Variants in DKK4 observed in about 807,000 individuals in gnomAD.
DKK4 encodes the protein dickkopf Wnt signaling pathway inhibitor 4.
DKK4 carries 15 observed loss-of-function variants against 14.5 expected under a neutral mutation model. That is an observed-to-expected ratio of 1.03 (90% CI 0.69 to 1.59). The LOEUF is 1.59. Among genes scored for constraint, DKK4 ranks in the 40% most tolerant of loss-of-function variants. The probability of loss-of-function intolerance (pLI) is 0.00; values close to 1 mark genes in which losing one functional copy is unlikely to be tolerated. For missense variants in DKK4, 272 were observed against 280.3 expected, an observed-to-expected ratio of 0.97 and a Z score of 0.21; for synonymous variants, 89 against 105.2, an observed-to-expected ratio of 0.85 and a Z score of 0.94.
chr8:42,374,616 C>G, intron 3 of DKK4, 145 bp downstream of exon 3: 1 of 1,281,350 alleles, frequency 7.8e-7, no homozygotes, highest in Middle Eastern at 2.1e-4. Flanking sequence ...CCCACAGCTT[C>G]TTACAGAAAG....
chr8:42,379,114 G>C (rs894845279), upstream of DKK4, among the ~76,000 whole-genome samples: 1 of 150,582 alleles, frequency 6.6e-6, no homozygotes, highest in African/African-American at 2.4e-5. Flanking sequence ...AGTCGGGCGT[G>C]GTGGTGGTCA....
the DKK4 span, among the ~76,000 whole-genome samples, chr8:42,389,518 T>C: frequency 5.9e-5 from 9 of 152,234 alleles, no homozygotes; most frequent in African/African-American, 2.2e-4. Context: ...TGGGGACATG[T>C]ATCTTACTTA....
chr8:42,376,888 C>T (rs777931647), intron 1 of DKK4, 47 bp downstream of exon 1: 16 of 1,481,964 alleles, frequency 1.1e-5, no homozygotes, highest in Non-Finnish European at 1.5e-5. Context: ...CAAAACACCC[C>T]AGCTGTCAGC....
At chr8:42,386,871 G>A in the DKK4 span, among the ~76,000 whole-genome samples, 2 of 152,202 alleles carry the variant, frequency 1.3e-5, no homozygotes, top group Non-Finnish European at 2.9e-5. Context: ...ATTGAGCTAT[G>A]AAGTCTTTAC....
At chr8:42,379,001 A>G (rs1824613726), upstream of DKK4, among the ~76,000 whole-genome samples, 1 of 150,038 alleles carries the variant, frequency 6.7e-6, no homozygotes, top group Non-Finnish European at 1.5e-5. Context: ...CTGTAATCTC[A>G]CCACTTTGGG....
chr8:42,375,991 A>T (rs1824554736), intron 1 of DKK4, among the ~76,000 whole-genome samples, 161 bp from the exon 2 acceptor site: 1 of 152,218 alleles, frequency 6.6e-6, no homozygotes, highest in South Asian at 2.1e-4. Flanking sequence ...TCTCCCACAA[A>T]GGGAAGCTCA....
chr8:42,375,603 A>T, intron 2 of DKK4, 77 bp downstream of exon 2: 1 of 1,563,544 alleles, frequency 6.4e-7, no homozygotes, highest in South Asian at 1.2e-5. Context: ...GAGAGTGCCT[A>T]CCCTGGAATA....
At chr8:42,380,626 A>G (rs1344453707), upstream of DKK4, among the ~76,000 whole-genome samples, 2 of 148,040 alleles carry the variant, frequency 1.4e-5, no homozygotes, top group Admixed American at 6.6e-5. Context: ...AAAGAGAAAG[A>G]AAGAAAGAGG....
rs1223927829 is a variant in DKK4, at chr8:42,374,158, A to T, written c.617T>A (p.Leu206Ter). The T allele has an allele frequency of 6.2e-7, 1 of 1,613,382 alleles. No homozygotes were observed. The highest frequency in any genetic ancestry group is 2.2e-5 in the East Asian group (1 of 44,886). Residue 206 changes from leucine to a stop codon, truncating the protein, a stop_gained, in exon 4 of 4, where the codon TTG becomes TAG. Coordinates refer to ENST00000220812, the MANE Select transcript of DKK4 (RefSeq NM_014420.3). LOFTEE classifies it low-confidence loss of function (END_TRUNC). ...CGPGLLCRSQ[L>*]TSNRQHARLR... Reference sequence around the variant, plus strand: ...TCGAGCATGCTGCCGATTGCTGGTCAATTGGCTTCGACACAGTAGTCCAGG... The same window carrying T: ...TCGAGCATGCTGCCGATTGCTGGTCTATTGGCTTCGACACAGTAGTCCAGG...
chr8:42,382,528 A>C, the DKK4 span, among the ~76,000 whole-genome samples: 1 of 152,254 alleles, frequency 6.6e-6, no homozygotes, highest in Non-Finnish European at 1.5e-5. Context: ...AGGCCACAGC[A>C]GCAATGACCT....
the DKK4 span, among the ~76,000 whole-genome samples, chr8:42,389,718 T>A: frequency 6.6e-6 from 1 of 152,196 alleles, no homozygotes; most frequent in African/African-American, 2.4e-5. Context: ...TGAACACACA[T>A]ATACGTTCCA....
Position 42,377,038 on chromosome 8 carries a change from G to A in DKK4, c.8C>T (p.Ala3Val), listed in dbSNP as rs931955827. MVAAVLLGLSWLC... is the reference protein window; with the variant it reads MVVAVLLGLSWLC... ...CCAGCTCAGCCCCAGCAGGACGGCC[G>A]CCACCATCCTTCAATCCCGGGGCTC... Residue 3 changes from alanine (A) to valine (V), a missense_variant, in exon 1 of 4, where the codon GCG (alanine) becomes GTG (valine). Physicochemically the swap from Ala to Val is moderately conservative, Grantham distance 64. Coordinates refer to ENST00000220812, the MANE Select transcript of DKK4 (RefSeq NM_014420.3). 2.5e-5 allele frequency: 40 copies of A among 1,612,242 alleles called. No homozygotes were observed. The highest frequency in any genetic ancestry group is 1.7e-4 in the Admixed American group (10 of 59,972).
upstream of DKK4, among the ~76,000 whole-genome samples, chr8:42,380,798 A>AAGGAAG (rs1824663736): frequency 7.2e-6 from 1 of 139,046 alleles, no homozygotes; most frequent in African/African-American, 3.1e-5. Flanking sequence ...GGAAGAAAGA[A>AAGGAAG]AAAGAAAAGG....
chr8:42,375,626 G>A (rs1824542112), intron 2 of DKK4, 54 bp downstream of exon 2: 1 of 1,601,810 alleles, frequency 6.2e-7, no homozygotes, highest in African/African-American at 1.3e-5. Context: ...CTAGTCTATG[G>A]GGCTTAGACA....
upstream of DKK4, among the ~76,000 whole-genome samples, chr8:42,379,510 G>T: frequency 6.7e-6 from 1 of 149,256 alleles, no homozygotes; most frequent in Admixed American, 6.7e-5. Context: ...TAGAAGACAT[G>T]TACATATGGA....
chr8:42,375,025 A>G (rs996696522), intron 2 of DKK4, 112 bp from the exon 3 acceptor site: 1 of 1,070,190 alleles, frequency 9.3e-7, no homozygotes. Context: ...TTCAGTTTAT[A>G]TATAACTTTC....
upstream of DKK4, among the ~76,000 whole-genome samples, chr8:42,381,544 T>C (rs751629757): frequency 8.5e-5 from 13 of 152,274 alleles, no homozygotes; most frequent in East Asian, 1.9e-4. Flanking sequence ...TCTCTGTCTC[T>C]GTCTCAGCAC....
Position 42,377,001 on chromosome 8 carries a change from G to A in DKK4, c.45C>T (p.Pro15=), listed in dbSNP as rs1486838185. ...TGAAGTCCAGGACCAGAGCTCCCAG[G>A]GGAGAGCAGAGCCAGCTCAGCCCCA... ...VLLGLSWLCS[P]LGALVLDFNN... Residue 15 remains proline, a synonymous_variant, in exon 1 of 4, where the codon CCC becomes CCT. Coordinates refer to ENST00000220812, the MANE Select transcript of DKK4 (RefSeq NM_014420.3). 2 of 1,613,614 alleles carry A rather than the reference G, an allele frequency of 1.2e-6. No homozygotes were observed. The highest frequency in any genetic ancestry group is 1.3e-5 in the African/African-American group (1 of 74,978).
chr8:42,378,340 G>A (rs3763511), upstream of DKK4, among the ~76,000 whole-genome samples: 35,581 of 152,030 alleles, frequency 0.23, 8,061 homozygotes, highest in African/African-American at 0.59. Context: ...TCATTGACAT[G>A]AATCTCAGCA....
Sources: gnomAD v4.1 joint callset for allele counts (sites outside exome capture counted in the v4.1 genomes callset) on GRCh38, gnomAD v4.1.1 for gene constraint, MANE v1.5 for transcripts, NCBI Gene and HGNC (gene_info 2026-07-23, HGNC 2026-07-21) for gene names.